MAGT1: variants seen among roughly 807,000 people sequenced by gnomAD.
MAGT1 encodes the protein dolichyl-diphosphooligosaccharide--protein glycosyltransferase subunit MAGT1.
MAGT1 carries 4 observed loss-of-function variants against 28.4 expected under a neutral mutation model. That is an observed-to-expected ratio of 0.14 (90% CI 0.07 to 0.32). The LOEUF (loss-of-function observed/expected upper bound fraction) is 0.32. MAGT1 is among the 10% of genes least tolerant of loss of function. The pLI, the probability that MAGT1 is intolerant of heterozygous loss-of-function variation, is 1.00. For missense variants in MAGT1, 193 were observed against 264.5 expected (o/e 0.73, Z 1.88); for synonymous variants, 89 against 89.7 (o/e 0.99, Z 0.04).
chrX:77,830,934 A>G (rs1222468523), intron 8 of MAGT1, 39 bp from the exon 9 acceptor site: 1 of 687,797 alleles, frequency 1.5e-6, no homozygotes, highest in Admixed American at 2.8e-5. Flanking sequence ...GAGCAGGTTG[A>G]GTATAATAAA....
chrX:77,889,606 C>T (rs1366074371), intron 1 of MAGT1, among the ~76,000 whole-genome samples: 4 of 108,595 alleles, frequency 3.7e-5, no homozygotes, highest in Non-Finnish European at 5.7e-5. Flanking sequence ...CTCCTGAACT[C>T]GTGATCCGCC....
chrX:77,882,328 T>C (rs1303804797), intron 1 of MAGT1, among the ~76,000 whole-genome samples: 1 of 111,488 alleles, frequency 9.0e-6, no homozygotes, highest in African/African-American at 3.3e-5. Context: ...AAAGAAAGGG[T>C]ATTCAATTAG....
intron 7 of MAGT1, among the ~76,000 whole-genome samples, chrX:77,841,829 C>T (rs1603359898): frequency 9.4e-6 from 1 of 105,822 alleles, no homozygotes; most frequent in African/African-American, 3.4e-5. Flanking sequence ...GTGCTCACCA[C>T]CACGCCCAGT....
intron 8 of MAGT1, among the ~76,000 whole-genome samples, chrX:77,840,268 A>C (rs782068363): frequency 3.8e-5 from 4 of 105,785 alleles, no homozygotes; most frequent in East Asian, 3.0e-4. Context: ...GAAAAAAAAA[A>C]CCCCAAAAAA....
intron 8 of MAGT1, chrX:77,837,420 C>T (rs1252846836): frequency 9.9e-5 from 11 of 111,147 alleles, no homozygotes; most frequent in Non-Finnish European, 2.1e-4. Flanking sequence ...AAAACTGATA[C>T]ATTAATTATT....
intron 1 of MAGT1, among the ~76,000 whole-genome samples, chrX:77,888,329 T>C (rs2077072867): frequency 9.0e-6 from 1 of 111,495 alleles, no homozygotes; most frequent in African/African-American, 3.3e-5. Flanking sequence ...ATACTCCCAA[T>C]TGAAATACTT....
At chrX:77,871,445 T>C (rs1041630685) in intron 2 of MAGT1, among the ~76,000 whole-genome samples, 1 of 112,459 alleles carries the variant, frequency 8.9e-6, no homozygotes, top group Non-Finnish European at 1.9e-5. Context: ...GGCCAGCTCA[T>C]ACCTGTAATC....
At chrX:77,856,216 A>T (rs2149018063) in intron 5 of MAGT1, among the ~76,000 whole-genome samples, 1 of 110,431 alleles carries the variant, frequency 9.1e-6, no homozygotes, top group Non-Finnish European at 1.9e-5. Flanking sequence ...TGGGCGGGTC[A>T]CCTGAGGTCA....
At chrX:77,874,055 G>A (rs2077026865) in intron 2 of MAGT1, among the ~76,000 whole-genome samples, 1 of 108,938 alleles carries the variant, frequency 9.2e-6, no homozygotes, top group Non-Finnish European at 1.9e-5. Flanking sequence ...GATGATTATA[G>A]CCTTCTGCAG....
At chrX:77,876,784 C>T (rs1001865126) in intron 1 of MAGT1, among the ~76,000 whole-genome samples, 2 of 110,851 alleles carry the variant, frequency 1.8e-5, no homozygotes, top group Admixed American at 9.7e-5. Context: ...GAGGCTGAGG[C>T]GGGTGGATAA....
At chrX:77,874,456 C>T (rs782382286) in intron 2 of MAGT1, among the ~76,000 whole-genome samples, 1 of 107,186 alleles carries the variant, frequency 9.3e-6, no homozygotes, top group East Asian at 3.0e-4. Flanking sequence ...ATTAGCTGGG[C>T]GTGGTGGTGT....
upstream of MAGT1, chrX:77,895,527 G>C (rs782295609): frequency 2.6e-6 from 3 of 1,144,821 alleles, no homozygotes; most frequent in Non-Finnish European, 3.5e-6. Flanking sequence ...CAGCCCTGCC[G>C]GGAGACCCCT....
intron 2 of MAGT1, among the ~76,000 whole-genome samples, chrX:77,873,856 AC>A (rs35841308): frequency 1.8e-5 from 2 of 110,976 alleles, no homozygotes; most frequent in African/African-American, 6.5e-5. Flanking sequence ...ACCAGAACTT[AC>A]CCCCCTCATC....
At chrX:77,855,839 C>T (rs982514666) in intron 5 of MAGT1, among the ~76,000 whole-genome samples, 6 of 108,986 alleles carry the variant, frequency 5.5e-5, no homozygotes, top group Middle Eastern at 4.7e-3. Flanking sequence ...GGCGCGATCT[C>T]GGCTCACTGC....
At chrX:77,837,381 G>T (rs1438276074) in intron 8 of MAGT1, 1 of 111,712 alleles carries the variant, frequency 9.0e-6, no homozygotes, top group Admixed American at 9.6e-5. Flanking sequence ...AATTCGTGAA[G>T]TGTTCCATAT....
At chrX:77,853,012 T>C (rs190871014) in intron 7 of MAGT1, among the ~76,000 whole-genome samples, 120 of 112,303 alleles carry the variant, frequency 1.1e-3, no homozygotes, top group African/African-American at 3.8e-3. Context: ...CTCAGGTGGG[T>C]AAACTATGTT....
intron 1 of MAGT1, among the ~76,000 whole-genome samples, chrX:77,886,397 T>C (rs907462134): frequency 1.2e-4 from 13 of 110,121 alleles, no homozygotes; most frequent in African/African-American, 4.0e-4. Flanking sequence ...CCCCAGCACT[T>C]TGGGAGGCCG....
chrX:77,831,324 C>CCCA (rs2076898153), intron 8 of MAGT1, among the ~76,000 whole-genome samples: 1 of 110,713 alleles, frequency 9.0e-6, no homozygotes, highest in Non-Finnish European at 1.9e-5. Flanking sequence ...GCCTGGCAGT[C>CCCA]TATACTTTCA....
chrX:77,834,957 CTTT>C (rs1217379123), intron 8 of MAGT1, among the ~76,000 whole-genome samples: 3 of 96,618 alleles, frequency 3.1e-5, no homozygotes, highest in Admixed American at 2.3e-4. Flanking sequence ...AACATAAAAT[CTTT>C]TTTTTTTTTT....
Sources: allele counts gnomAD v4.1 joint callset (sites outside exome capture counted in the v4.1 genomes callset), GRCh38; gene constraint gnomAD v4.1.1; transcripts MANE v1.5; gene names NCBI Gene and HGNC (gene_info 2026-07-23, HGNC 2026-07-21).